RHOU: variants seen among roughly 807,000 people sequenced by gnomAD.
RHOU encodes ras homolog family member U, also known as rho-related GTP-binding protein RhoU.
RHOU carries 8 observed loss-of-function variants against 12.6 expected under a neutral mutation model. The ratio of observed to expected loss-of-function variants is 0.64; its 90% CI spans 0.37 to 1.15. RHOU has a LOEUF of 1.15. Among genes scored for constraint, RHOU ranks in the 50% most tolerant of loss-of-function variants. The pLI is 0.01. For synonymous variants in RHOU, 161 were observed against 147.4 expected (o/e 1.09, Z -0.67); for missense variants, 258 against 347.0 (o/e 0.74, Z 2.04).
the RHOU span, among the ~76,000 whole-genome samples, chr1:228,653,275 C>A: frequency 6.6e-6 from 1 of 152,108 alleles, no homozygotes; most frequent in Non-Finnish European, 1.5e-5. Context: ...CATGCCTCAG[C>A]CTTATGAATA....
chr1:228,673,498 A>T, the RHOU span, among the ~76,000 whole-genome samples: 1 of 152,162 alleles, frequency 6.6e-6, no homozygotes, highest in African/African-American at 2.4e-5. Context: ...AATCCCCAGT[A>T]TCGGAGGAGG....
chr1:228,741,723 G>C (rs931092129), intron 2 of RHOU, among the ~76,000 whole-genome samples: 3 of 152,010 alleles, frequency 2.0e-5, no homozygotes, highest in Admixed American at 1.3e-4. Context: ...ACCCAGGCTG[G>C]TCTCAAACTC....
intron 2 of RHOU, among the ~76,000 whole-genome samples, chr1:228,740,509 A>T (rs1662700064): frequency 6.6e-6 from 1 of 152,204 alleles, no homozygotes; most frequent in Non-Finnish European, 1.5e-5. Context: ...CCCCATTTAT[A>T]AATTAGTCTT....
At chr1:228,667,804 A>C in the RHOU span, among the ~76,000 whole-genome samples, 363 of 152,354 alleles carry the variant, frequency 2.4e-3, no homozygotes, top group Non-Finnish European at 2.8e-3. Flanking sequence ...TTTTTATTGT[A>C]TTATTTAAAA....
At chr1:228,727,308 C>T in the RHOU span, among the ~76,000 whole-genome samples, 1 of 152,072 alleles carries the variant, frequency 6.6e-6, no homozygotes, top group African/African-American at 2.4e-5. Context: ...TTTCTTCTCT[C>T]TCTCTCTCTT....
chr1:228,696,355 G>GTT, the RHOU span, among the ~76,000 whole-genome samples: 3 of 148,074 alleles, frequency 2.0e-5, no homozygotes, highest in South Asian at 2.1e-4. Context: ...AATCTTGAGG[G>GTT]TTTTTTTTTT....
chr1:228,651,177 T>A, the RHOU span: 1 of 204,396 alleles, frequency 4.9e-6, no homozygotes, highest in Non-Finnish European at 1.0e-5. Context: ...TTTGAAATCC[T>A]CCCTTCCACA....
chr1:228,726,924 A>G, the RHOU span, among the ~76,000 whole-genome samples: 2 of 152,232 alleles, frequency 1.3e-5, no homozygotes, highest in African/African-American at 4.8e-5. Flanking sequence ...TCACCTGGTC[A>G]GAGTAGGGTT....
At chr1:228,646,618 CG>C in the RHOU span, among the ~76,000 whole-genome samples, 929 of 135,980 alleles carry the variant, frequency 6.8e-3, 10 homozygotes, top group African/African-American at 0.025. Flanking sequence ...TGTAGCGGGT[CG>C]GGGGGTGGCC....
the RHOU span, among the ~76,000 whole-genome samples, chr1:228,665,057 T>C: frequency 6.6e-6 from 1 of 152,246 alleles, no homozygotes; most frequent in African/African-American, 2.4e-5. Context: ...GGTACTATTT[T>C]ATTTTCATTT....
the RHOU span, among the ~76,000 whole-genome samples, chr1:228,680,838 T>A: frequency 1.3e-5 from 2 of 152,158 alleles, no homozygotes; most frequent in Admixed American, 1.3e-4. Context: ...AGCTGCCTTT[T>A]TAAGCCCTTC....
At position 228,743,497 on chromosome 1, in the gene RHOU, C is replaced by T. The variant is rs769995354; in HGVS notation, c.534C>T (p.Cys178=). The T allele has an allele frequency of 3.1e-6, 5 of 1,614,148 alleles. No individual in the cohort carries two copies. Among genetic ancestry groups the T allele is most frequent in the East Asian group, 4.5e-5 (2 of 44,884 alleles). Residue 178 remains cysteine (C), a synonymous_variant, in exon 3 of 3, where the codon TGC becomes TGT. Coordinates refer to ENST00000366691, the MANE Select transcript of RHOU (RefSeq NM_021205.6). This position sits in a 1 kb window ranked among gnomAD's most constrained non-coding sequence, Gnocchi z 5.1. ...DVKVLIELDK[C]KEKPVPEEAA... ...AAGTCCTCATTGAGTTGGACAAATG[C>T]AAAGAAAAGCCAGTGCCTGAAGAGG... is the stretch of plus-strand genomic sequence containing the variant.
the RHOU span, among the ~76,000 whole-genome samples, chr1:228,716,064 C>T: frequency 6.6e-6 from 1 of 152,078 alleles, no homozygotes; most frequent in South Asian, 2.1e-4. Flanking sequence ...AGGTGTGCAC[C>T]ACCACACTCA....
chr1:228,736,901 GGT>G (rs1662623931), intron 1 of RHOU, among the ~76,000 whole-genome samples: 1 of 152,046 alleles, frequency 6.6e-6, no homozygotes, highest in Admixed American at 6.5e-5. Context: ...GTGCTGTACT[GGT>G]GGGTTCCCAC....
chr1:228,664,185 T>G, the RHOU span, among the ~76,000 whole-genome samples: 3 of 151,040 alleles, frequency 2.0e-5, no homozygotes, highest in Non-Finnish European at 4.4e-5. Flanking sequence ...GCTCGGCTAA[T>G]TTTTTGTAGT....
chr1:228,743,735 G>A lies in RHOU; in HGVS notation c.772G>A (p.Val258Ile), dbSNP rs769050110. The A allele has an allele frequency of 2.4e-5, 39 of 1,609,132 alleles. No homozygotes were observed. Among genetic ancestry groups the A allele is most frequent in the African/African-American group, 4.0e-5 (3 of 74,536 alleles). The change falls in exon 3 of 3, where the codon GTA (valine) becomes ATA (isoleucine). Residue 258 changes from valine (V) to isoleucine (I), a missense_variant. Transcript: ENST00000366691. This position sits in a 1 kb window ranked among gnomAD's most constrained non-coding sequence, Gnocchi z 5.1. Reference protein sequence around the residue: ...KSWWKKYCCFV With the variant: ...KSWWKKYCCFI Reference sequence around the variant, plus strand: ...CTGGTGGAAGAAGTACTGCTGTTTCGTATGATGCTGGCAAGACACCCAGAA... The same window carrying A: ...CTGGTGGAAGAAGTACTGCTGTTTCATATGATGCTGGCAAGACACCCAGAA...
At chr1:228,647,379 C>T in the RHOU span, among the ~76,000 whole-genome samples, 2 of 152,162 alleles carry the variant, frequency 1.3e-5, no homozygotes, top group African/African-American at 2.4e-5. Flanking sequence ...CGGGCGCGTC[C>T]GGAGGCCTGG....
chr1:228,722,986 T>G, the RHOU span, among the ~76,000 whole-genome samples: 13 of 152,314 alleles, frequency 8.5e-5, no homozygotes, highest in Admixed American at 1.3e-4. Context: ...TGCGTCTACC[T>G]TAAAGGCATA....
chr1:228,681,064 A>G, the RHOU span, among the ~76,000 whole-genome samples: 1 of 152,198 alleles, frequency 6.6e-6, no homozygotes, highest in Non-Finnish European at 1.5e-5. Context: ...AAGTCTCTCC[A>G]GGTTAAACTG....
Sources: gnomAD v4.1 joint callset for allele counts (sites outside exome capture counted in the v4.1 genomes callset) on GRCh38, gnomAD v4.1.1 for gene constraint, Gnocchi (gnomAD v3.1) non-coding constraint, MANE v1.5 for transcripts, NCBI Gene and HGNC (gene_info 2026-07-23, HGNC 2026-07-21) for gene names.